Variants in WWC1 observed in about 807,000 individuals in gnomAD.
WWC1 encodes WW and C2 domain containing 1.
Under a neutral mutation model 138.4 loss-of-function variants are expected in WWC1, and 55 were observed. The ratio of observed to expected loss-of-function variants is 0.40; its 90% CI spans 0.32 to 0.50. The LOEUF (loss-of-function observed/expected upper bound fraction) is 0.50, where lower values mean the gene tolerates loss of function less well. Ranked by LOEUF, WWC1 falls within the 20% of genes least tolerant of loss-of-function variation. The pLI is 0.72. For missense variants in WWC1, 1,226 were observed against 1,420.4 expected, an observed-to-expected ratio of 0.86 and a Z score of 2.20; for synonymous variants, 524 against 564.9, an observed-to-expected ratio of 0.93 and a Z score of 1.03.
intron 1 of WWC1, among the ~76,000 whole-genome samples, chr5:168,332,762 G>A (rs1219906144): frequency 1.3e-5 from 2 of 151,762 alleles, no homozygotes; most frequent in Admixed American, 6.6e-5. Flanking sequence ...AGGCTGGAGT[G>A]CAGTGGCACA....
chr5:168,386,485 T>C (rs1333805785), intron 3 of WWC1, among the ~76,000 whole-genome samples: 2 of 148,790 alleles, frequency 1.3e-5, no homozygotes, highest in African/African-American at 5.0e-5. Flanking sequence ...CTCCGCCTCC[T>C]GGGTTCATGC....
rs116825822 is a variant in WWC1 at position 168,392,211 on chromosome 5, G to A, written c.434-5513G>A. 5.9e-3 allele frequency among the ~76,000 whole-genome samples: 900 copies of A among 152,270 alleles called. 2 individuals carry two copies. The highest frequency in any genetic ancestry group is 0.021 in the African/African-American group (856 of 41,542). On this transcript the variant is annotated intron_variant, in intron 3 of 22. Transcript: ENST00000265293. ...TGTACTATCCTGAAAGCACGAGTAAGTGAAGGGTTTTGAGACCTTAGCCCT... is the reference window on the plus strand; with the variant it reads ...TGTACTATCCTGAAAGCACGAGTAAATGAAGGGTTTTGAGACCTTAGCCCT...
At chr5:168,294,676 G>A (rs1769368102) in intron 1 of WWC1, among the ~76,000 whole-genome samples, 1 of 152,130 alleles carries the variant, frequency 6.6e-6, no homozygotes, top group African/African-American at 2.4e-5. Flanking sequence ...GCCCAGGCTG[G>A]AGTCCAGTGG....
chr5:168,352,841 C>T (rs1775090176), intron 1 of WWC1, among the ~76,000 whole-genome samples: 2 of 152,100 alleles, frequency 1.3e-5, no homozygotes, highest in African/African-American at 2.4e-5. Context: ...ACCTCGGCCT[C>T]TCAAATTGCT....
At chr5:168,437,928 G>C (rs1754386979) in intron 15 of WWC1, among the ~76,000 whole-genome samples, 1 of 152,160 alleles carries the variant, frequency 6.6e-6, no homozygotes, top group South Asian at 2.1e-4. Flanking sequence ...TGCTTCTGTG[G>C]CTCCAGAGTC....
Position 168,472,056 on chromosome 5 carries a change from A to G in WWC1, c.*3039A>G, listed in dbSNP as rs1757688491. Reference sequence around the variant, plus strand: ...CCGCTGCTATGAAGCAGAGCTGTAAACGCCCTCCCTGTGTATAGGAAAAGC... The same window carrying G: ...CCGCTGCTATGAAGCAGAGCTGTAAGCGCCCTCCCTGTGTATAGGAAAAGC... On this transcript the variant is annotated 3_prime_UTR_variant, in exon 23 of 23. Transcript: ENST00000265293. 1 of 152,218 alleles carries G rather than the reference A, an allele frequency of 6.6e-6. No homozygotes were observed. 9.4% of individuals were successfully genotyped at this position (152,218 alleles called of 1,614,324 possible). A position where few individuals can be genotyped will look rare whatever the true frequency, so the allele number is the denominator to read the frequency against.
Position 168,469,483 on chromosome 5 carries a change from A to G in WWC1, c.*466A>G, listed in dbSNP as rs567716579. 1.3e-5 allele frequency: 2 copies of G among 156,732 alleles called. No individual in the cohort carries two copies. The highest frequency in any genetic ancestry group is 1.9e-4 in the East Asian group (1 of 5,380). 9.7% of individuals were successfully genotyped at this position (156,732 alleles called of 1,614,324 possible). A position where few individuals can be genotyped will look rare whatever the true frequency, so the allele number is the denominator to read the frequency against. On this transcript the variant is annotated 3_prime_UTR_variant, in exon 23 of 23. Transcript: ENST00000265293. ...GTACAGCTAATTTTTCCTAGTTAAC[A>G]TATTTTGTACAATATTAAAAAAATG...
intron 1 of WWC1, among the ~76,000 whole-genome samples, chr5:168,352,221 C>T (rs1409143674): frequency 2.0e-5 from 3 of 152,144 alleles, no homozygotes; most frequent in Non-Finnish European, 4.4e-5. Flanking sequence ...GTGTCATCAT[C>T]TGAAAAATGG....
chr5:168,466,025 A>C (rs2152896652), intron 21 of WWC1, among the ~76,000 whole-genome samples: 1 of 152,262 alleles, frequency 6.6e-6, no homozygotes, highest in African/African-American at 2.4e-5. Context: ...CACGATGGGG[A>C]GTCTCTGGGT....
At chr5:168,392,623 T>A (rs114630575) in intron 3 of WWC1, among the ~76,000 whole-genome samples, 185 of 151,976 alleles carry the variant, frequency 1.2e-3, no homozygotes, top group African/African-American at 4.3e-3. Flanking sequence ...AGTCCAGGAG[T>A]TCAAGGTTAC....
chr5:168,322,262 G>A (rs149214570), intron 1 of WWC1, among the ~76,000 whole-genome samples: 579 of 150,316 alleles, frequency 3.9e-3, no homozygotes, highest in African/African-American at 0.013. Context: ...ATTTTGAAGG[G>A]AGATTGGAAA....
intron 1 of WWC1, among the ~76,000 whole-genome samples, chr5:168,340,003 CTCTTTCTT>C (rs924586873): frequency 9.9e-6 from 1 of 101,440 alleles, no homozygotes; most frequent in Non-Finnish European, 2.5e-5. Context: ...CTCTCTTTCT[CTCTTTCTT>C]TCTTTTCTTT....
In WWC1 at chr5:168,408,623, T is replaced by C. The variant is rs1376274626; in HGVS notation, c.837T>C (p.Asp279=). The C allele has an allele frequency of 3.7e-6, 6 of 1,614,180 alleles. No homozygotes were observed. The East Asian group carries it at 1.3e-4, about 36-fold the overall frequency. ...SSFPLPKQYL[D]VSSQTDISGS... ...TCCCGCTACCGAAACAGTACCTGGA[T>C]GTGAGCTCCCAGACAGACATCTCGG... is the stretch of plus-strand genomic sequence containing the variant. Residue 279 remains aspartate, a synonymous_variant, in exon 7 of 23, where the codon GAT becomes GAC. Transcript: ENST00000265293.
chr5:168,336,289 GGCCA>G (rs1773443800), intron 1 of WWC1, among the ~76,000 whole-genome samples: 1 of 152,072 alleles, frequency 6.6e-6, no homozygotes, highest in Admixed American at 6.5e-5. Flanking sequence ...AACAATACCC[GGCCA>G]GCCACGGTGG....
At chr5:168,459,591 A>G (rs1313980495) in intron 19 of WWC1, among the ~76,000 whole-genome samples, 1 of 152,178 alleles carries the variant, frequency 6.6e-6, no homozygotes, top group Non-Finnish European at 1.5e-5. Flanking sequence ...CAGGTGCTCT[A>G]TCCATGTGGC....
At chr5:168,460,574 C>T (rs1756718360) in intron 19 of WWC1, 76 bp from the exon 20 acceptor site, 1 of 1,446,048 alleles carries the variant, frequency 6.9e-7, no homozygotes, top group Non-Finnish European at 9.6e-7. Context: ...AGGAACCTGA[C>T]CTCCCTCTAG....
At chr5:168,390,670 G>A (rs1167351317) in intron 3 of WWC1, among the ~76,000 whole-genome samples, 2 of 152,166 alleles carry the variant, frequency 1.3e-5, no homozygotes, top group African/African-American at 4.8e-5. Flanking sequence ...GAAGTCACAC[G>A]CCTGTTCTCT....
intron 22 of WWC1, among the ~76,000 whole-genome samples, 188 bp from the exon 23 acceptor site, chr5:168,468,763 C>T (rs750260488): frequency 1.3e-5 from 2 of 152,152 alleles, no homozygotes; most frequent in Non-Finnish European, 2.9e-5. Context: ...AATGAGCTTA[C>T]GTTTTGGGTT....
chr5:168,349,857 C>T (rs1487833992), intron 1 of WWC1, among the ~76,000 whole-genome samples: 2 of 152,186 alleles, frequency 1.3e-5, no homozygotes, highest in Admixed American at 6.5e-5. Context: ...TGACCAACAG[C>T]GGCCTCTTAA....
Sources: gnomAD v4.1 joint callset for allele counts (sites outside exome capture counted in the v4.1 genomes callset) on GRCh38, gnomAD v4.1.1 for gene constraint, MANE v1.5 for transcripts, NCBI Gene and HGNC (gene_info 2026-07-23, HGNC 2026-07-21) for gene names.